The following FAM13A variants were observed in gnomAD, a reference collection of about 807,000 sequenced individuals.
FAM13A encodes the protein protein FAM13A.
A neutral mutation model predicts 129.6 loss-of-function variants in FAM13A; 76 were observed. That is an observed-to-expected ratio of 0.59 (90% CI 0.49 to 0.71). FAM13A has a LOEUF of 0.71. FAM13A is among the 30% of genes least tolerant of loss of function. FAM13A has a pLI of 0.00. For synonymous variants in FAM13A, 443 were observed against 449.9 expected (o/e 0.98, Z 0.20); for missense variants, 1,108 against 1,249.3 (o/e 0.89, Z 1.70).
intron 4 of FAM13A, among the ~76,000 whole-genome samples, chr4:88,965,636 T>C (rs1277818554): frequency 6.6e-6 from 1 of 152,168 alleles, no homozygotes; most frequent in African/African-American, 2.4e-5. Flanking sequence ...AGTAGTCTTA[T>C]TTATATCCAC....
intron 5 of FAM13A, among the ~76,000 whole-genome samples, chr4:88,909,316 A>G (rs1301465566): frequency 6.6e-6 from 1 of 152,166 alleles, no homozygotes; most frequent in Non-Finnish European, 1.5e-5. Flanking sequence ...CCTTGAAAAC[A>G]TGCTAAGTGA....
At chr4:88,829,931 A>G (rs1273524720) in intron 7 of FAM13A, among the ~76,000 whole-genome samples, 4 of 152,244 alleles carry the variant, frequency 2.6e-5, no homozygotes, top group Non-Finnish European at 5.9e-5. Context: ...ATAATAAAGT[A>G]TTATCCTTAC....
chr4:88,849,527 C>T (rs1217894668), intron 7 of FAM13A, among the ~76,000 whole-genome samples: 1 of 152,212 alleles, frequency 6.6e-6, no homozygotes, highest in Non-Finnish European at 1.5e-5. Flanking sequence ...CCTTATGTCT[C>T]AGAACAAACT....
At position 88,731,323 on chromosome 4, in the gene FAM13A, C is replaced by T; in HGVS notation, c.2945+4G>A. ...AAGGGAGGGTGGGGGAAGACAGGCACTACCTTCCATTCTGTCTGAAAAAGT... is the reference window on the plus strand; with the variant it reads ...AAGGGAGGGTGGGGGAAGACAGGCATTACCTTCCATTCTGTCTGAAAAAGT... On this transcript the variant is annotated splice_donor_region_variant and intron_variant, in intron 23 of 23. Transcript: ENST00000264344. 3 of 1,572,944 alleles carry T rather than the reference C, an allele frequency of 1.9e-6. No individual in the cohort carries two copies. Among genetic ancestry groups the T allele is most frequent in the Admixed American group, 1.7e-5 (1 of 59,834 alleles).
chr4:88,890,718 G>A (rs142282778), intron 6 of FAM13A, among the ~76,000 whole-genome samples: 159 of 152,212 alleles, frequency 1.0e-3, no homozygotes, highest in African/African-American at 3.7e-3. Context: ...ATAAAAGCTG[G>A]TTCTCTGAAA....
At chr4:88,977,178 A>G (rs1761032087) in intron 4 of FAM13A, among the ~76,000 whole-genome samples, 1 of 152,216 alleles carries the variant, frequency 6.6e-6, no homozygotes, top group African/African-American at 2.4e-5. Context: ...TTACAACAAT[A>G]TGCCATCATG....
At chr4:88,859,189 T>C (rs1249557530) in intron 6 of FAM13A, among the ~76,000 whole-genome samples, 1 of 151,760 alleles carries the variant, frequency 6.6e-6, no homozygotes, top group East Asian at 1.9e-4. Context: ...GGCTGAAGAG[T>C]CAAAGGAGGG....
intron 7 of FAM13A, among the ~76,000 whole-genome samples, chr4:88,845,725 A>C (rs1435992783): frequency 6.6e-6 from 1 of 152,210 alleles, no homozygotes; most frequent in Non-Finnish European, 1.5e-5. Context: ...TAGAATCATG[A>C]AGCAAGAGAA....
intron 1 of FAM13A, among the ~76,000 whole-genome samples, chr4:89,047,768 A>C (rs543068740): frequency 4.4e-4 from 67 of 152,360 alleles, no homozygotes; most frequent in African/African-American, 1.6e-3. Flanking sequence ...TATCTAATAA[A>C]GGACTTGTAT....
chr4:88,882,043 T>C (rs1426142402), intron 6 of FAM13A, among the ~76,000 whole-genome samples: 3 of 152,126 alleles, frequency 2.0e-5, no homozygotes, highest in African/African-American at 7.2e-5. Context: ...AATCTAAAAC[T>C]TGGGAAAACA....
intron 7 of FAM13A, among the ~76,000 whole-genome samples, chr4:88,813,750 G>A (rs1730114099): frequency 1.3e-5 from 2 of 152,048 alleles, no homozygotes; most frequent in South Asian, 2.1e-4. Flanking sequence ...CAGAAAAATG[G>A]GTCAAGGCTT....
intron 4 of FAM13A, among the ~76,000 whole-genome samples, chr4:88,981,184 T>G (rs1227017902): frequency 6.6e-6 from 1 of 152,104 alleles, no homozygotes; most frequent in East Asian, 1.9e-4. Flanking sequence ...TGAAGCAAAA[T>G]TTGACCAAAA....
At chr4:88,766,527 G>A (rs1431343535) in intron 13 of FAM13A, among the ~76,000 whole-genome samples, 1 of 152,184 alleles carries the variant, frequency 6.6e-6, no homozygotes, top group Non-Finnish European at 1.5e-5. Flanking sequence ...CAGCATTAGC[G>A]TGTGTTCAGG....
At chr4:88,757,711 T>C (rs1224799053) in intron 14 of FAM13A, among the ~76,000 whole-genome samples, 2 of 152,214 alleles carry the variant, frequency 1.3e-5, no homozygotes, top group Non-Finnish European at 2.9e-5. Context: ...AAGTTTGTTT[T>C]CACTAAAGCC....
intron 2 of FAM13A, among the ~76,000 whole-genome samples, chr4:89,027,128 G>GT (rs1055837308): frequency 4.1e-4 from 63 of 152,216 alleles, no homozygotes; most frequent in African/African-American, 1.5e-3. Context: ...TATATATACT[G>GT]TTTTTTTCTC....
At chr4:89,056,912 G>A (rs372627349) in intron 1 of FAM13A, 26 bp downstream of exon 1, 135 of 1,608,156 alleles carry the variant, frequency 8.4e-5, no homozygotes, top group Non-Finnish European at 1.1e-4. Context: ...AGTAAACACA[G>A]AAGACAGAAG....
At chr4:88,963,886 GCTGATGGGTGTGTCA>G (rs1438449905) in intron 4 of FAM13A, among the ~76,000 whole-genome samples, 3 of 152,216 alleles carry the variant, frequency 2.0e-5, no homozygotes, top group Admixed American at 2.0e-4. Context: ...AAACAGGTCA[GCTGATGGGTGTGTCA>G]CTGAAGAAAT....
intron 6 of FAM13A, among the ~76,000 whole-genome samples, chr4:88,878,122 T>C (rs1251594793): frequency 2.0e-5 from 3 of 151,732 alleles, no homozygotes; most frequent in African/African-American, 2.4e-5. Context: ...ACCCCGTCTC[T>C]ACTAAAAAAT....
intron 1 of FAM13A, among the ~76,000 whole-genome samples, chr4:89,038,500 C>T (rs756174130): frequency 5.9e-5 from 9 of 152,020 alleles, no homozygotes; most frequent in Non-Finnish European, 1.0e-4. Flanking sequence ...GACACGTCCA[C>T]AAGACCTATG....
Sources: gnomAD v4.1 joint callset for allele counts (sites outside exome capture counted in the v4.1 genomes callset) on GRCh38, gnomAD v4.1.1 for gene constraint, MANE v1.5 for transcripts, NCBI Gene and HGNC (gene_info 2026-07-23, HGNC 2026-07-21) for gene names.